PRKCH: variants seen among roughly 807,000 people sequenced by gnomAD.
PRKCH encodes protein kinase C eta, also known as protein kinase C eta type.
Under a neutral mutation model 82.5 loss-of-function variants are expected in PRKCH, and 28 were observed. The ratio of observed to expected loss-of-function variants is 0.34; its 90% CI spans 0.25 to 0.47. PRKCH has a LOEUF of 0.47. Among genes scored for constraint, PRKCH ranks in the 20% least tolerant of loss-of-function variants. PRKCH has a pLI of 1.00. For synonymous variants in PRKCH, 322 were observed against 327.4 expected (o/e 0.98, Z 0.18); for missense variants, 705 against 881.8 (o/e 0.80, Z 2.54).
chr14:61,364,769 G>A (rs992669845), intron 1 of PRKCH, among the ~76,000 whole-genome samples: 2 of 152,028 alleles, frequency 1.3e-5, no homozygotes, highest in African/African-American at 4.8e-5. Flanking sequence ...AGCCCAGGGA[G>A]GTCCAGGCTG....
At chr14:61,339,114 C>G (rs1308348921) in intron 1 of PRKCH, among the ~76,000 whole-genome samples, 1 of 151,918 alleles carries the variant, frequency 6.6e-6, no homozygotes, top group African/African-American at 2.4e-5. Context: ...ACCTACTCCT[C>G]CATCCCCTAG....
In PRKCH at chr14:61,529,200, A is replaced by G; in HGVS notation, c.1559A>G (p.Tyr520Cys). ...TTATFCGTPD[Y>C]IAPEILQEML... ...GCCACATTCTGTGGCACGCCAGACTATATCGCTCCAGAGGTGAGTGCAGCT... is the reference window on the plus strand; with the variant it reads ...GCCACATTCTGTGGCACGCCAGACTGTATCGCTCCAGAGGTGAGTGCAGCT... The change falls in exon 11 of 14, where the codon TAT becomes TGT. Residue 520 changes from tyrosine (Y) to cysteine (C), a missense_variant. Around this residue, in one of 5 missense-constraint regions of PRKCH, gnomAD observed 115 missense variants for 193.8 expected, o/e 0.59. Coordinates refer to ENST00000332981, the MANE Select transcript of PRKCH (RefSeq NM_006255.5). 2 of 1,613,230 alleles carry G rather than the reference A, an allele frequency of 1.2e-6. No homozygotes were observed. The highest frequency in any genetic ancestry group is 1.7e-6 in the Non-Finnish European group (2 of 1,179,480).
At position 61,449,188 on chromosome 14, in the gene PRKCH, G is replaced by A. The variant is rs760739355; in HGVS notation, c.638G>A (p.Arg213His). ...CQVCTCVVHK[R>H]CHHLIVTACT... ...GTGTGCACCTGTGTCGTCCATAAAC[G>A]CTGCCATCATCTAATTGTTACAGCC... is the stretch of plus-strand genomic sequence containing the variant. Residue 213 changes from arginine to histidine, a missense_variant, in exon 5 of 14, where the codon CGC becomes CAC. Arg to His is a conservative substitution (Grantham distance 29). Transcript: ENST00000332981. 2 of 1,613,974 alleles carry A rather than the reference G, an allele frequency of 1.2e-6. No individual in the cohort carries two copies. The highest frequency in any genetic ancestry group is 1.7e-6 in the Non-Finnish European group (2 of 1,179,898).
intron 1 of PRKCH, among the ~76,000 whole-genome samples, chr14:61,302,288 T>C (rs2045453876): frequency 6.6e-6 from 1 of 152,210 alleles, no homozygotes; most frequent in Non-Finnish European, 1.5e-5. Context: ...ATTCTTGCCT[T>C]TCCCAGAGGG....
At chr14:61,459,948 A>G (rs1222230845) in intron 9 of PRKCH, among the ~76,000 whole-genome samples, 4 of 152,168 alleles carry the variant, frequency 2.6e-5, no homozygotes, top group Admixed American at 2.6e-4. Context: ...GGCTAAAGCT[A>G]TCCTCCCACC....
At chr14:61,454,609 T>C (rs1358606030) in intron 7 of PRKCH, among the ~76,000 whole-genome samples, 1 of 152,202 alleles carries the variant, frequency 6.6e-6, no homozygotes, top group Non-Finnish European at 1.5e-5. Context: ...TCTGAAGTTT[T>C]GGTTTATGGA....
At chr14:61,502,072 TTTTTTTTTTTC>T (rs1378653000) in intron 10 of PRKCH, among the ~76,000 whole-genome samples, 28 of 140,524 alleles carry the variant, frequency 2.0e-4, no homozygotes, top group African/African-American at 7.1e-4. Context: ...TTTCTTTTTT[TTTTTTTTTTTC>T]CGAGATGGAG....
intron 1 of PRKCH, among the ~76,000 whole-genome samples, chr14:61,339,574 C>T (rs1594927117): frequency 6.9e-6 from 1 of 145,740 alleles, no homozygotes. Flanking sequence ...CCACCTGCCT[C>T]GGCCTCCCAA....
At chr14:61,504,257 C>T (rs1381627124) in intron 10 of PRKCH, among the ~76,000 whole-genome samples, 1 of 151,906 alleles carries the variant, frequency 6.6e-6, no homozygotes. Context: ...GGTGCGATCT[C>T]GGCTCACTGC....
chr14:61,420,838 A>G (rs560952367), intron 2 of PRKCH, among the ~76,000 whole-genome samples: 1 of 152,244 alleles, frequency 6.6e-6, no homozygotes, highest in Non-Finnish European at 1.5e-5. Flanking sequence ...CAGTTGCAAT[A>G]TCTCTCTATC....
intron 1 of PRKCH, among the ~76,000 whole-genome samples, chr14:61,259,233 G>A (rs2045024308): frequency 6.6e-6 from 1 of 152,152 alleles, no homozygotes; most frequent in African/African-American, 2.4e-5. Context: ...AATGTGATGG[G>A]CCGATCTAAA....
intron 10 of PRKCH, among the ~76,000 whole-genome samples, chr14:61,521,705 T>G (rs73307086): frequency 0.12 from 17,923 of 152,162 alleles, 1,198 homozygotes; most frequent in South Asian, 0.2. Context: ...AGGGCTGGGA[T>G]TCAGGCGTAA....
chr14:61,502,621 G>T (rs1330241045), intron 10 of PRKCH, among the ~76,000 whole-genome samples: 1 of 152,124 alleles, frequency 6.6e-6, no homozygotes, highest in South Asian at 2.1e-4. Flanking sequence ...GCCTTCTGTT[G>T]TACAGAGTGG....
In PRKCH at chr14:61,474,696, A is replaced by G. The variant is rs557606506; in HGVS notation, c.1279-10806A>G. Among the ~76,000 whole-genome samples the G allele has an allele frequency of 2.0e-4, 31 of 152,348 alleles. 1 individual carries two copies. In the South Asian group the frequency reaches 6.4e-3, roughly 32 times the overall value. On this transcript the variant is annotated intron_variant, in intron 9 of 13. Coordinates refer to ENST00000332981, the MANE Select transcript of PRKCH (RefSeq NM_006255.5). ...GTTGTGCACATGTACCCTAGAACTT[A>G]AAGTATAATTTTAAAAAAATTTTTT...
In PRKCH at chr14:61,536,605, A is replaced by G. The variant is rs181901950; in HGVS notation, c.1761+6010A>G. On this transcript the variant is annotated intron_variant, in intron 12 of 13. Coordinates refer to ENST00000332981, the MANE Select transcript of PRKCH (RefSeq NM_006255.5). ...ACCTTTTTAAATGAAAGGTATTATT[A>G]TTATTCTATATCTGGGGAAACTGGT... Among the ~76,000 whole-genome samples, 39 of 152,256 alleles carry G rather than the reference A, an allele frequency of 2.6e-4. No homozygotes were observed. In the East Asian group the frequency reaches 5.4e-3, roughly 21 times the overall value.
chr14:61,428,042 T>TAG (rs1555386067), intron 2 of PRKCH, among the ~76,000 whole-genome samples: 9,842 of 121,636 alleles, frequency 0.081, 583 homozygotes, highest in Admixed American at 0.16. Flanking sequence ...AATATATATA[T>TAG]ATAGATAGAT....
chr14:61,517,034 A>G (rs1185182584), intron 10 of PRKCH, among the ~76,000 whole-genome samples: 2 of 152,148 alleles, frequency 1.3e-5, no homozygotes, highest in Non-Finnish European at 2.9e-5. Flanking sequence ...TAATGGGGAT[A>G]GCAGGGAACC....
intron 1 of PRKCH, among the ~76,000 whole-genome samples, chr14:61,195,644 C>T (rs1053885548): frequency 1.3e-5 from 2 of 152,150 alleles, no homozygotes; most frequent in African/African-American, 4.8e-5. Context: ...GCATATCTCC[C>T]GGGAAGACAC....
At chr14:61,263,877 GTGTGTGTGTGTGTGTGTGTA>G (rs1350575935) in intron 1 of PRKCH, among the ~76,000 whole-genome samples, 11 of 146,978 alleles carry the variant, frequency 7.5e-5, no homozygotes, top group African/African-American at 2.0e-4. Flanking sequence ...GTGTGTGTGT[GTGTGTGTGTGTGTGTGTGTA>G]TGTGTGTGTA....
Sources: allele counts gnomAD v4.1 joint callset (sites outside exome capture counted in the v4.1 genomes callset), GRCh38; gene constraint gnomAD v4.1.1; regional missense constraint gnomAD v4.1.1; transcripts MANE v1.5; gene names NCBI Gene and HGNC (gene_info 2026-07-23, HGNC 2026-07-21).